The following COL20A1 variants were observed in gnomAD, a reference collection of about 807,000 sequenced individuals.
The protein encoded by COL20A1 is collagen type XX alpha 1 chain.
A neutral mutation model predicts 152.9 loss-of-function variants in COL20A1; 164 were observed. The ratio of observed to expected loss-of-function variants is 1.07; its 90% confidence interval spans 0.94 to 1.22. The LOEUF (loss-of-function observed/expected upper bound fraction) is 1.22, where lower values mean the gene tolerates loss of function less well. Among genes scored for constraint, COL20A1 ranks in the 50% most tolerant of loss-of-function variants. COL20A1 has a pLI of 0.00. For missense variants in COL20A1, 1,873 were observed against 1,744.8 expected (o/e 1.07, Z -1.31); for synonymous variants, 864 against 756.0 (o/e 1.14, Z -2.34).
intron 27 of COL20A1, 83 bp from the exon 28 acceptor site, chr20:63,325,358 G>A: frequency 1.9e-6 from 2 of 1,050,698 alleles, no homozygotes; most frequent in Non-Finnish European, 3.0e-6. Flanking sequence ...CAGTCCAGGG[G>A]CCTGTGGTAG....
At chr20:63,304,651 T>C (rs534815920) in intron 3 of COL20A1, among the ~76,000 whole-genome samples, 1 of 138,764 alleles carries the variant, frequency 7.2e-6, no homozygotes, top group Non-Finnish European at 1.5e-5. Flanking sequence ...CTCCCTCCCT[T>C]CCTCCCTCCA....
At chr20:63,294,554 G>C (rs76186321) in intron 1 of COL20A1, among the ~76,000 whole-genome samples, 9,079 of 151,372 alleles carry the variant, frequency 0.06, 341 homozygotes, top group Middle Eastern at 0.11. Flanking sequence ...CTGCACCCCC[G>C]GCTGGCGTCC....
In COL20A1 at chr20:63,319,426, T is replaced by C; in HGVS notation, c.2807-61T>C. The C allele has an allele frequency of 7.4e-7, 1 of 1,346,526 alleles. No homozygotes were observed. The highest frequency in any genetic ancestry group is 1.3e-5 in the South Asian group (1 of 77,652). 83.4% of individuals were successfully genotyped at this position (1,346,526 alleles called of 1,614,324 possible). The stretch of plus-strand genomic sequence containing the variant: ...TGTCCTGTCGTGGGGGCCGCCCTGC[T>C]CAAGGTATAGGCCCGGCTGGTTGCA... On this transcript the variant is annotated intron_variant, in intron 22 of 35. Coordinates refer to ENST00000358894, the MANE Select transcript of COL20A1 (RefSeq NM_020882.4). The surrounding 1 kb of genome is among the most constrained non-coding windows in gnomAD (Gnocchi z 4.4).
chr20:63,312,137 A>G (rs1306149506), intron 14 of COL20A1, 82 bp downstream of exon 14: 15 of 1,420,922 alleles, frequency 1.1e-5, no homozygotes, highest in Non-Finnish European at 1.1e-5. Flanking sequence ...GGAGCCAACC[A>G]TCAGATAACA....
At chr20:63,310,344 C>G in intron 10 of COL20A1, 37 bp from the exon 11 acceptor site, 1 of 1,606,676 alleles carries the variant, frequency 6.2e-7, no homozygotes, top group Non-Finnish European at 8.5e-7. Context: ...CCCCGGCACC[C>G]CCCTTCCTGG....
In COL20A1 at chr20:63,309,908, C is replaced by G. The variant is rs1281541915; in HGVS notation, c.1256C>G (p.Pro419Arg). The change falls in exon 10 of 36, where the codon CCC (proline) becomes CGC (arginine). Residue 419 changes from proline (P) to arginine (R), a missense_variant. Transcript: ENST00000358894. ...IVWRASRGGT[P>R]REVVVEGPAA... ...TGGCGAGCCTCTAGAGGTGGCACCC[C>G]CAGGGAGGTGAGGGGGCCGGTATAC... is the stretch of plus-strand genomic sequence containing the variant. The G allele has an allele frequency of 6.9e-6, 11 of 1,599,832 alleles. No homozygotes were observed. The highest frequency in any genetic ancestry group is 9.4e-6 in the Non-Finnish European group (11 of 1,173,556).
At position 63,294,307 on chromosome 20, in the gene COL20A1, A is replaced by G. The variant is rs1047409024; in HGVS notation, c.-10-791A>G. Among the ~76,000 whole-genome samples the G allele has an allele frequency of 1.5e-4, 23 of 150,896 alleles. 1 individual carries two copies. The highest frequency in any genetic ancestry group is 4.4e-5 in the Non-Finnish European group (3 of 67,622). ...GTGGAGGACTCGGGCCTGGCAGCTG[A>G]CATGCTCCCCACCTCTCCGAGTGGC... is the stretch of plus-strand genomic sequence containing the variant. On this transcript the variant is annotated intron_variant, in intron 1 of 35. Transcript: ENST00000358894.
In COL20A1 at chr20:63,315,910, G is replaced by A. The variant is rs73619472; in HGVS notation, c.2524+471G>A. 1.8e-3 allele frequency among the ~76,000 whole-genome samples: 270 copies of A among 152,342 alleles called. 4 individuals carry two copies. In the East Asian group the frequency reaches 0.044, roughly 25 times the overall value. The stretch of plus-strand genomic sequence containing the variant: ...CTCCTGCCCGGTGCCTGCTGGCAGC[G>A]CTGATAAGCTGCAGTGTGAATGGGA... On this transcript the variant is annotated intron_variant, in intron 20 of 35. Transcript: ENST00000358894.
In COL20A1 at chr20:63,327,976, C is replaced by T. The variant is rs756472652; in HGVS notation, c.3553C>T (p.Arg1185Ter). 1.6e-5 allele frequency: 26 copies of T among 1,606,550 alleles called. No homozygotes were observed. Among genetic ancestry groups the T allele is most frequent in the South Asian group, 2.2e-5 (2 of 89,582 alleles). Reference protein sequence around the residue: ...PTGLPGPKGERGEKGEPQSLA... With the variant: ...PTGLPGPKGE ...GGGACTGCCAGGGCCCAAAGGGGAA[C>T]GAGGAGAGAAGGTAAGTGAGGCTGA... The change falls in exon 32 of 36, where the codon CGA (arginine) becomes TGA (stop). Residue 1185 changes from arginine (R) to a stop codon, truncating the protein, a stop_gained. Coordinates refer to ENST00000358894, the MANE Select transcript of COL20A1 (RefSeq NM_020882.4). LOFTEE classifies it high-confidence loss of function.
At chr20:63,301,970 G>A (rs771044658) in intron 3 of COL20A1, among the ~76,000 whole-genome samples, 13 of 151,564 alleles carry the variant, frequency 8.6e-5, no homozygotes, top group African/African-American at 2.2e-4. Context: ...TTTATTCTCC[G>A]CTTTCTTGTC....
chr20:63,327,353 G>C, intron 31 of COL20A1: 1 of 176,852 alleles, frequency 5.7e-6, no homozygotes, highest in Non-Finnish European at 1.2e-5. Flanking sequence ...GCTAGTACAA[G>C]AGAGTGTAGC....
intron 25 of COL20A1, 72 bp downstream of exon 25, chr20:63,320,440 G>C: frequency 1.4e-6 from 2 of 1,416,634 alleles, no homozygotes; most frequent in Non-Finnish European, 2.0e-6. Context: ...CACAGTGCCT[G>C]GGGTCAGTTG....
intron 34 of COL20A1, 149 bp downstream of exon 34, chr20:63,328,647 G>A: frequency 1.2e-6 from 1 of 800,290 alleles, no homozygotes. Context: ...CTGGGGTGAG[G>A]ACACGGGGCT....
chr20:63,320,734 C>T (rs2068151134), intron 25 of COL20A1, among the ~76,000 whole-genome samples: 3 of 152,152 alleles, frequency 2.0e-5, no homozygotes, highest in South Asian at 2.1e-4. Context: ...GGGGCCCAGA[C>T]GGGAGAGAGG....
chr20:63,332,032 CCTGA>C lies in COL20A1; in HGVS notation c.*1321_*1324del, dbSNP rs2068339871. 1 of 152,806 alleles carries C rather than the reference CCTGA, an allele frequency of 6.5e-6. No homozygotes were observed. Among genetic ancestry groups the C allele is most frequent in the African/African-American group, 2.4e-5 (1 of 41,440 alleles). 9.5% of individuals were successfully genotyped at this position (152,806 alleles called of 1,614,324 possible). On this transcript the variant is annotated 3_prime_UTR_variant, in exon 36 of 36. Transcript: ENST00000358894. ...CGCCTGCACCCACAGGAGCCACAGCCCTGACTGAGGCCAGGAAGCAGCCCCAAAT... is the reference window on the plus strand; with the variant it reads ...CGCCTGCACCCACAGGAGCCACAGCCCTGAGGCCAGGAAGCAGCCCCAAAT...
rs369448489 is a variant in COL20A1, at chr20:63,326,740, G to T, written c.3457-12G>T. ...GGGCCCAAGCCAAACCCTGACTTCTGTGTCTATGCAGGGGTTCCAGGGCAT... is the reference window on the plus strand; with the variant it reads ...GGGCCCAAGCCAAACCCTGACTTCTTTGTCTATGCAGGGGTTCCAGGGCAT... On this transcript the variant is annotated splice_polypyrimidine_tract_variant and intron_variant, in intron 30 of 35. Transcript: ENST00000358894. 218 of 1,440,844 alleles carry T rather than the reference G, an allele frequency of 1.5e-4. 1 individual carries two copies. The African/African-American group carries it at 2.9e-3, about 19-fold the overall frequency. 89.3% of individuals were successfully genotyped at this position (1,440,844 alleles called of 1,614,324 possible). A position where few individuals can be genotyped will look rare whatever the true frequency, so the allele number is the denominator to read the frequency against.
intron 30 of COL20A1, 42 bp from the exon 31 acceptor site, chr20:63,326,710 G>T (rs1196868363): frequency 2.2e-6 from 3 of 1,335,234 alleles, no homozygotes; most frequent in Non-Finnish European, 2.0e-6. Context: ...GAGCAGATTT[G>T]CTGGGGGCCC....
rs750867661 is a variant in COL20A1, at chr20:63,312,004, G to A, written c.1752G>A (p.Val584=). Residue 584 remains valine, a synonymous_variant, in exon 14 of 36, where the codon GTG becomes GTA. Transcript: ENST00000358894. ...RVFWEGAPRP[V]RLVRVTYVSS... is the part of the protein sequence containing the mutation. The stretch of plus-strand genomic sequence containing the variant: ...TCTGGGAGGGTGCCCCGAGGCCTGT[G>A]CGCCTGGTCAGGGTCACCTATGTGT... The A allele has an allele frequency of 3.7e-6, 6 of 1,607,004 alleles. No individual in the cohort carries two copies. The highest frequency in any genetic ancestry group is 1.3e-5 in the African/African-American group (1 of 74,900).
rs753221201 is a variant in COL20A1, at chr20:63,314,054, C to A, written c.2359-18C>A. ...AGTTGCCCAGGAAGTGGGGACCAGGCACCCTCCCTTCTCCTAGGTCTCTGT... is the reference window on the plus strand; with the variant it reads ...AGTTGCCCAGGAAGTGGGGACCAGGAACCCTCCCTTCTCCTAGGTCTCTGT... On this transcript the variant is annotated intron_variant, in intron 18 of 35. Coordinates refer to ENST00000358894, the MANE Select transcript of COL20A1 (RefSeq NM_020882.4). 1.2e-6 allele frequency: 2 copies of A among 1,612,522 alleles called. No homozygotes were observed. Among genetic ancestry groups the A allele is most frequent in the South Asian group, 2.2e-5 (2 of 91,042 alleles).
Sources: allele counts gnomAD v4.1 joint callset (sites outside exome capture counted in the v4.1 genomes callset), GRCh38; gene constraint gnomAD v4.1.1; non-coding constraint Gnocchi (gnomAD v3.1); transcripts MANE v1.5; gene names NCBI Gene and HGNC (gene_info 2026-07-23, HGNC 2026-07-21).